Variants in PRKCE observed in about 807,000 individuals in gnomAD.
PRKCE encodes protein kinase C epsilon type.
PRKCE carries 16 observed loss-of-function variants against 85.4 expected under a neutral mutation model. That is an observed-to-expected ratio of 0.19 (90% confidence interval 0.13 to 0.28). The LOEUF (loss-of-function observed/expected upper bound fraction) is 0.28, where lower values mean the gene tolerates loss of function less well. PRKCE is among the 10% of genes least tolerant of loss of function. PRKCE has a pLI of 1.00. For missense variants in PRKCE, 573 were observed against 975.2 expected, an observed-to-expected ratio of 0.59 and a Z score of 5.49; for synonymous variants, 388 against 371.5, an observed-to-expected ratio of 1.04 and a Z score of -0.51.
Position 46,159,907 on chromosome 2 carries a change from C to A in PRKCE, c.2067+155C>A. The A allele has an allele frequency of 1.2e-6, 1 of 857,518 alleles. No homozygotes were observed. The highest frequency in any genetic ancestry group is 1.7e-6 in the Non-Finnish European group (1 of 584,830). 53.1% of individuals were successfully genotyped at this position (857,518 alleles called of 1,614,324 possible). A position where few individuals can be genotyped will look rare whatever the true frequency, so the allele number is the denominator to read the frequency against. ...GCTGAGGCTCTCCCTAAGACAATGT[C>A]TTTAGGCCCCAAGTGTTTACTATTG... On this transcript the variant is annotated intron_variant, in intron 14 of 14. Transcript: ENST00000306156. This position sits in a 1 kb window ranked among gnomAD's most constrained non-coding sequence, Gnocchi z 4.1.
chr2:46,154,025 T>C (rs973461402), intron 13 of PRKCE, among the ~76,000 whole-genome samples: 4 of 152,022 alleles, frequency 2.6e-5, no homozygotes, highest in Non-Finnish European at 5.9e-5. Flanking sequence ...GACCTCGTGA[T>C]CCGCCCGCCT....
In PRKCE at chr2:45,949,182, T is replaced by C. The variant is rs183241398; in HGVS notation, c.413-27247T>C. ...GCACATCCTCAGCTTAGCTGACTAT[T>C]GTGTGATTGCTTATCAACATGGTTA... On this transcript the variant is annotated intron_variant, in intron 2 of 14. Transcript: ENST00000306156. 1.2e-3 allele frequency among the ~76,000 whole-genome samples: 182 copies of C among 152,352 alleles called. 1 individual carries two copies. The highest frequency in any genetic ancestry group is 4.1e-3 in the African/African-American group (171 of 41,584).
At chr2:45,935,067 T>TCTCTCTCACA (rs34264556) in intron 2 of PRKCE, among the ~76,000 whole-genome samples, 7 of 146,356 alleles carry the variant, frequency 4.8e-5, no homozygotes, top group African/African-American at 1.5e-4. Context: ...ACTCTCTCTC[T>TCTCTCTCACA]CACACACACA....
At chr2:46,179,472 T>TA (rs1679759515) in intron 14 of PRKCE, among the ~76,000 whole-genome samples, 2 of 152,090 alleles carry the variant, frequency 1.3e-5, no homozygotes, top group African/African-American at 4.8e-5. Flanking sequence ...TTTCCTCCCT[T>TA]CCTGACTACA....
Position 45,828,930 on chromosome 2 carries a change from T to G in PRKCE, c.349-14070T>G, listed in dbSNP as rs115269355. 6.9e-3 allele frequency among the ~76,000 whole-genome samples: 1,046 copies of G among 152,296 alleles called. 16 individuals are homozygous for G. The highest frequency in any genetic ancestry group is 0.024 in the African/African-American group (997 of 41,590). On this transcript the variant is annotated intron_variant, in intron 1 of 14. Coordinates refer to ENST00000306156, the MANE Select transcript of PRKCE (RefSeq NM_005400.3). Reference sequence around the variant, plus strand: ...CATACTTATTTTAGTTTTACAAAATTGGATCATAGAATATATGTTCCTTTA... The same window carrying G: ...CATACTTATTTTAGTTTTACAAAATGGGATCATAGAATATATGTTCCTTTA...
intron 8 of PRKCE, among the ~76,000 whole-genome samples, chr2:46,006,454 A>C (rs192081046): frequency 6.6e-6 from 1 of 150,488 alleles, no homozygotes; most frequent in African/African-American, 2.4e-5. Flanking sequence ...TCTAGGAAAG[A>C]TCTCCGGATT....
intron 1 of PRKCE, among the ~76,000 whole-genome samples, chr2:45,759,275 T>C (rs1016255961): frequency 6.6e-6 from 1 of 152,134 alleles, no homozygotes. Flanking sequence ...CTTGAGCTGC[T>C]CTGTTTTGAA....
intron 2 of PRKCE, among the ~76,000 whole-genome samples, chr2:45,921,787 C>A (rs758893650): frequency 1.3e-5 from 2 of 152,178 alleles, no homozygotes; most frequent in African/African-American, 4.8e-5. Flanking sequence ...TTTGCTATTT[C>A]TTCCTGGTGT....
chr2:45,874,604 C>T (rs1434669040), intron 2 of PRKCE, among the ~76,000 whole-genome samples: 2 of 152,210 alleles, frequency 1.3e-5, no homozygotes, highest in Non-Finnish European at 2.9e-5. Context: ...GAGGGTGTGG[C>T]CATGGGGTGT....
chr2:45,985,849 C>G (rs1323320181), intron 6 of PRKCE, among the ~76,000 whole-genome samples: 2 of 152,190 alleles, frequency 1.3e-5, no homozygotes, highest in African/African-American at 4.8e-5. Context: ...CAAATTGACA[C>G]GAAGCTGTCC....
rs1174576096 is a variant in PRKCE, at chr2:45,695,024, T to A, written c.348+42576T>A. ...AACTGCCTCATGTAAGATGCATTGG[T>A]CCTGCCCTCTGCCCCTGTGAGACAC... On this transcript the variant is annotated intron_variant, in intron 1 of 14. Transcript: ENST00000306156. Among the ~76,000 whole-genome samples the A allele has an allele frequency of 2.0e-5, 3 of 152,136 alleles. No homozygotes were observed. In the South Asian group the frequency reaches 6.2e-4, roughly 32 times the overall value.
Position 46,041,054 on chromosome 2 carries a change from T to C in PRKCE, c.1437+30537T>C, listed in dbSNP as rs1708189470. Among the ~76,000 whole-genome samples the C allele has an allele frequency of 6.6e-6, 1 of 152,274 alleles. No homozygotes were observed. ...CGTTTGCCTGTCATATTCTGACTTT[T>C]TGAAAATCATTTCTATCTGTGAGTA... On this transcript the variant is annotated intron_variant, in intron 10 of 14. Transcript: ENST00000306156. The surrounding 1 kb of genome is among the most constrained non-coding windows in gnomAD (Gnocchi z 5.5).
intron 1 of PRKCE, among the ~76,000 whole-genome samples, chr2:45,778,988 G>T (rs568906479): frequency 1.3e-5 from 2 of 152,180 alleles, no homozygotes. Flanking sequence ...TTTTGTGTAC[G>T]CAGAACGATT....
intron 2 of PRKCE, among the ~76,000 whole-genome samples, chr2:45,935,067 T>TCACACACACACACACA (rs1553453521): frequency 1.2e-3 from 173 of 146,356 alleles, no homozygotes; most frequent in African/African-American, 4.2e-3. Flanking sequence ...ACTCTCTCTC[T>TCACACACACACACACA]CACACACACA....
chr2:45,666,255 T>G (rs1049424382), intron 1 of PRKCE, among the ~76,000 whole-genome samples: 1 of 152,112 alleles, frequency 6.6e-6, no homozygotes, highest in African/African-American at 2.4e-5. Context: ...TTTTATATCT[T>G]TATTAGTCTG....
intron 11 of PRKCE, among the ~76,000 whole-genome samples, chr2:46,113,259 T>G (rs1433238335): frequency 6.6e-6 from 1 of 152,226 alleles, no homozygotes; most frequent in Non-Finnish European, 1.5e-5. Flanking sequence ...TGCATGTGTA[T>G]TCTGTGGTCT....
At chr2:46,035,587 GAAT>G in intron 10 of PRKCE, among the ~76,000 whole-genome samples, 1 of 152,270 alleles carries the variant, frequency 6.6e-6, no homozygotes, top group South Asian at 2.1e-4. Context: ...CTCAAGGAGG[GAAT>G]AATATTGTTG....
chr2:45,957,060 G>A (rs1490882593), intron 2 of PRKCE, among the ~76,000 whole-genome samples: 1 of 152,068 alleles, frequency 6.6e-6, no homozygotes, highest in Non-Finnish European at 1.5e-5. Flanking sequence ...TGTGTGATTT[G>A]CAAATATTTT....
chr2:45,944,865 T>C (rs901544598), intron 2 of PRKCE, among the ~76,000 whole-genome samples: 3 of 152,012 alleles, frequency 2.0e-5, no homozygotes, highest in African/African-American at 7.3e-5. Context: ...TCTTTGGACA[T>C]TTAGGTTGGC....
Sources: allele counts gnomAD v4.1 joint callset (sites outside exome capture counted in the v4.1 genomes callset), GRCh38; gene constraint gnomAD v4.1.1; non-coding constraint Gnocchi (gnomAD v3.1); transcripts MANE v1.5; gene names NCBI Gene and HGNC (gene_info 2026-07-23, HGNC 2026-07-21).